Variants in SAMD12 observed in about 807,000 individuals in gnomAD.
The protein encoded by SAMD12 is sterile alpha motif domain containing 12, also known as sterile alpha motif domain-containing protein 12.
In SAMD12, 9 loss-of-function variants were observed where a neutral mutation model predicts 15.0. That is an observed-to-expected ratio of 0.60 (90% CI 0.36 to 1.05). SAMD12 has a LOEUF of 1.05. Among genes scored for constraint, SAMD12 ranks in the 50% least tolerant of loss-of-function variants. SAMD12 has a pLI of 0.01. For missense variants in SAMD12, 230 were observed against 234.2 expected (o/e 0.98, Z 0.12); for synonymous variants, 86 against 90.1 (o/e 0.96, Z 0.25).
chr8:118,511,452 GT>G (rs142995747), intron 2 of SAMD12, among the ~76,000 whole-genome samples: 3,564 of 131,772 alleles, frequency 0.027, 117 homozygotes, highest in African/African-American at 0.08. Context: ...TTTTGTTTTT[GT>G]TTTTTTTTTA....
At chr8:118,451,101 T>C (rs545752776) in intron 2 of SAMD12, among the ~76,000 whole-genome samples, 2 of 152,310 alleles carry the variant, frequency 1.3e-5, no homozygotes, top group South Asian at 4.1e-4. Flanking sequence ...AGAAACATGC[T>C]TAGAAAGGTA....
chr8:118,282,029 A>C lies in SAMD12; in HGVS notation c.434-84297T>G, dbSNP rs116921809. 61 of 320,488 alleles carry C rather than the reference A, an allele frequency of 1.9e-4. No homozygotes were observed. In the East Asian group the frequency reaches 5.6e-3, roughly 29 times the overall value. The allele number at this position is 320,488 out of a possible 1,614,324, so 19.9% of individuals were successfully genotyped here. ...ATGTTAATGATGTCTGTTTTAAGGC[A>C]AATTATTTGGAGACGAGGGTAACCA... On this transcript the variant is annotated intron_variant, in intron 4 of 4. Coordinates refer to the SAMD12 transcript ENST00000409003.
intron 4 of SAMD12, among the ~76,000 whole-genome samples, chr8:118,235,234 C>T (rs970250302): frequency 1.3e-5 from 2 of 149,290 alleles, no homozygotes; most frequent in African/African-American, 2.5e-5. Context: ...TTTTTTTAGA[C>T]GGAGTCTTGC....
chr8:118,476,808 T>C (rs1823971413), intron 2 of SAMD12, among the ~76,000 whole-genome samples: 1 of 152,222 alleles, frequency 6.6e-6, no homozygotes, highest in African/African-American at 2.4e-5. Flanking sequence ...CAAAGATTTC[T>C]GCCAAGTAAC....
chr8:118,337,757 T>C (rs768718716), intron 4 of SAMD12, among the ~76,000 whole-genome samples: 1 of 152,210 alleles, frequency 6.6e-6, no homozygotes, highest in Non-Finnish European at 1.5e-5. Context: ...ACTTAGTAAT[T>C]GATCCAAAGC....
chr8:118,462,171 C>T (rs184821973), intron 2 of SAMD12, among the ~76,000 whole-genome samples: 1 of 152,166 alleles, frequency 6.6e-6, no homozygotes, highest in Non-Finnish European at 1.5e-5. Context: ...TTTTCAAATA[C>T]TACAATTCAG....
intron 4 of SAMD12, among the ~76,000 whole-genome samples, chr8:118,280,636 C>T (rs184407047): frequency 1.2e-3 from 176 of 152,234 alleles, no homozygotes; most frequent in African/African-American, 3.9e-3. Context: ...CAAAAGCAAG[C>T]TCCAGGCAGC....
At chr8:118,571,412 C>G (rs1827006835) in intron 2 of SAMD12, among the ~76,000 whole-genome samples, 1 of 152,208 alleles carries the variant, frequency 6.6e-6, no homozygotes, top group Non-Finnish European at 1.5e-5. Context: ...TTCAAGCTGG[C>G]TGCAGAAATT....
chr8:118,245,742 A>G (rs1812674775), intron 4 of SAMD12, among the ~76,000 whole-genome samples: 1 of 152,164 alleles, frequency 6.6e-6, no homozygotes, highest in Non-Finnish European at 1.5e-5. Flanking sequence ...TGATGTTTCC[A>G]TCATTTCTGG....
intron 4 of SAMD12, among the ~76,000 whole-genome samples, chr8:118,277,684 T>C (rs371703320): frequency 1.1e-4 from 16 of 152,330 alleles, no homozygotes; most frequent in African/African-American, 3.4e-4. Flanking sequence ...CTGTCCATTA[T>C]GTATATAGTT....
intron 3 of SAMD12, among the ~76,000 whole-genome samples, chr8:118,382,917 C>T (rs919075678): frequency 3.3e-5 from 5 of 152,124 alleles, no homozygotes; most frequent in African/African-American, 4.8e-5. Flanking sequence ...ATCCGATTCA[C>T]GGTCTTCTTT....
intron 4 of SAMD12, among the ~76,000 whole-genome samples, chr8:118,330,191 T>C (rs571846324): frequency 4.7e-4 from 71 of 152,230 alleles, no homozygotes; most frequent in Non-Finnish European, 9.1e-4. Context: ...AGACATTTCA[T>C]GTAAGACACA....
intron 2 of SAMD12, among the ~76,000 whole-genome samples, chr8:118,471,302 C>A (rs1014738510): frequency 2.6e-5 from 4 of 152,028 alleles, no homozygotes; most frequent in Non-Finnish European, 1.5e-5. Context: ...ATTTGATATA[C>A]AAATTATTCA....
At chr8:118,262,804 G>T (rs149836298) in intron 4 of SAMD12, among the ~76,000 whole-genome samples, 3 of 151,952 alleles carry the variant, frequency 2.0e-5, no homozygotes, top group African/African-American at 7.3e-5. Flanking sequence ...GGTAATAATC[G>T]TTGGAAACAT....
intron 2 of SAMD12, among the ~76,000 whole-genome samples, chr8:118,531,827 G>A (rs1825693772): frequency 6.6e-6 from 1 of 152,160 alleles, no homozygotes; most frequent in Admixed American, 6.5e-5. Flanking sequence ...GAGGTTTGGG[G>A]CTGAGATGAT....
intron 4 of SAMD12, among the ~76,000 whole-genome samples, chr8:118,299,422 G>A (rs562077136): frequency 6.6e-6 from 1 of 152,304 alleles, no homozygotes; most frequent in South Asian, 2.1e-4. Context: ...ATATGACTGT[G>A]ATGAAAGACG....
chr8:118,420,447 C>A (rs1289435366), intron 3 of SAMD12, among the ~76,000 whole-genome samples: 1 of 152,138 alleles, frequency 6.6e-6, no homozygotes, highest in East Asian at 1.9e-4. Context: ...GACACATATA[C>A]CGCATCCAGG....
intron 4 of SAMD12, among the ~76,000 whole-genome samples, chr8:118,293,067 AAAC>A (rs1356543248): frequency 2.0e-5 from 3 of 151,892 alleles, no homozygotes; most frequent in South Asian, 2.1e-4. Context: ...AAAAACAAAC[AAAC>A]AAAAAAAATC....
the SAMD12 span, among the ~76,000 whole-genome samples, chr8:118,138,552 G>T: frequency 5.9e-5 from 9 of 152,306 alleles, no homozygotes; most frequent in Admixed American, 4.6e-4. Flanking sequence ...TGAATATGTT[G>T]GAGCCTTGCT....
Sources: gnomAD v4.1 joint callset for allele counts (sites outside exome capture counted in the v4.1 genomes callset) on GRCh38, gnomAD v4.1.1 for gene constraint, MANE v1.5 for transcripts, NCBI Gene and HGNC (gene_info 2026-07-23, HGNC 2026-07-21) for gene names.